The following SERINC5 variants were observed in gnomAD, a reference collection of about 807,000 sequenced individuals.
SERINC5 encodes the protein serine incorporator 5.
A neutral mutation model predicts 63.1 loss-of-function variants in SERINC5; 41 were observed. That is an observed-to-expected ratio of 0.65 (90% CI 0.51 to 0.84). The LOEUF (loss-of-function observed/expected upper bound fraction) is 0.84, where lower values mean the gene tolerates loss of function less well. SERINC5 is among the 40% of genes least tolerant of loss of function. SERINC5 has a pLI of 0.00. For missense variants in SERINC5, 523 were observed against 573.0 expected, an observed-to-expected ratio of 0.91 and a Z score of 0.89; for synonymous variants, 222 against 215.2, an observed-to-expected ratio of 1.03 and a Z score of -0.28.
chr5:80,150,255 A>G (rs1746084807), intron 9 of SERINC5, among the ~76,000 whole-genome samples: 1 of 150,952 alleles, frequency 6.6e-6, no homozygotes, highest in Admixed American at 6.6e-5. Context: ...ACCCACCAAG[A>G]CTCCACTACG....
At chr5:80,229,021 CTTTTTTTTTTTTTTTT>C (rs1166636996) in intron 1 of SERINC5, among the ~76,000 whole-genome samples, 1 of 86,056 alleles carries the variant, frequency 1.2e-5, no homozygotes, top group Non-Finnish European at 2.3e-5. Context: ...TTTTACATAC[CTTTTTTTTTTTTTTTT>C]TTTTTTTTTT....
chr5:80,178,155 T>G, intron 2 of SERINC5, 91 bp from the exon 3 acceptor site: 1 of 701,558 alleles, frequency 1.4e-6, no homozygotes, highest in Middle Eastern at 2.4e-4. Context: ...CAACATCCAC[T>G]GTGGAAATGG....
At chr5:80,203,646 G>T (rs1199435345) in intron 1 of SERINC5, among the ~76,000 whole-genome samples, 1 of 152,206 alleles carries the variant, frequency 6.6e-6, no homozygotes, top group South Asian at 2.1e-4. Flanking sequence ...AGTAATTGTG[G>T]TTTTTGCCAT....
intron 5 of SERINC5, among the ~76,000 whole-genome samples, chr5:80,170,876 G>A (rs536713510): frequency 7.2e-5 from 11 of 152,264 alleles, no homozygotes; most frequent in Admixed American, 2.0e-4. Context: ...ATGTTGTGGT[G>A]CAAACTTGTA....
In SERINC5 at chr5:80,141,982, T is replaced by C. The variant is rs1468798195; in HGVS notation, c.*1681A>G. ...GGCAAAGGAATGAATAGAAAGAATTTCACTAATTTCACCCACCAGCATTTT... is the reference window on the plus strand; with the variant it reads ...GGCAAAGGAATGAATAGAAAGAATTCCACTAATTTCACCCACCAGCATTTT... On this transcript the variant is annotated 3_prime_UTR_variant, in exon 12 of 12. Transcript: ENST00000507668. The C allele has an allele frequency of 1.0e-6, 1 of 985,192 alleles. No individual in the cohort carries two copies. The highest frequency in any genetic ancestry group is 1.7e-5 in the African/African-American group (1 of 57,214). 61.0% of individuals were successfully genotyped at this position (985,192 alleles called of 1,614,324 possible). A position where few individuals can be genotyped will look rare whatever the true frequency, so the allele number is the denominator to read the frequency against.
intron 8 of SERINC5, among the ~76,000 whole-genome samples, chr5:80,154,682 C>A (rs1256881628): frequency 6.6e-6 from 1 of 152,056 alleles, no homozygotes; most frequent in Non-Finnish European, 1.5e-5. Flanking sequence ...ACAATCCCCT[C>A]GGCAATGCTA....
At position 80,146,232 on chromosome 5, in the gene SERINC5, T is replaced by C. The variant is rs771879310; in HGVS notation, c.1096A>G (p.Thr366Ala). ...CFCFSPGGED[T>A]EEQQPGKEGP... ...TCCTTCCCCGGCTGCTGCTCTTCAGTGTCTGTGAAGCACAGAGGGAGCCCA... is the reference window on the plus strand; with the variant it reads ...TCCTTCCCCGGCTGCTGCTCTTCAGCGTCTGTGAAGCACAGAGGGAGCCCA... The change falls in exon 11 of 12, where the codon ACT becomes GCT. Residue 366 changes from threonine to alanine, a missense_variant and splice_region_variant. Transcript: ENST00000507668. The C allele has an allele frequency of 5.6e-6, 9 of 1,613,810 alleles. No homozygotes were observed. The East Asian group carries it at 1.6e-4, about 28-fold the overall frequency.
At chr5:80,147,633 A>C (rs1241423732) in intron 9 of SERINC5, among the ~76,000 whole-genome samples, 1 of 152,126 alleles carries the variant, frequency 6.6e-6, no homozygotes, top group East Asian at 1.9e-4. Flanking sequence ...GGCTTTGTCC[A>C]GCTGCACTGT....
chr5:80,157,752 A>G (rs1173916539), intron 8 of SERINC5: 2 of 152,220 alleles, frequency 1.3e-5, no homozygotes, highest in Non-Finnish European at 2.9e-5. Context: ...CTGCAACAAC[A>G]AGGAGACTCT....
chr5:80,192,279 A>C (rs953643589), intron 2 of SERINC5, among the ~76,000 whole-genome samples: 2 of 152,196 alleles, frequency 1.3e-5, no homozygotes, highest in Non-Finnish European at 2.9e-5. Context: ...CTTACTCTAC[A>C]AATCAAGAGC....
intron 1 of SERINC5, among the ~76,000 whole-genome samples, chr5:80,216,703 A>T (rs1433854227): frequency 6.8e-6 from 1 of 147,790 alleles, no homozygotes; most frequent in Non-Finnish European, 1.5e-5. Flanking sequence ...ATTGGGTTTT[A>T]AATATTTTTT....
At chr5:80,129,058 G>T (rs1487412260) in intron 11 of SERINC5, 1 of 152,210 alleles carries the variant, frequency 6.6e-6, no homozygotes, top group Non-Finnish European at 1.5e-5. Context: ...AGCTTAGATG[G>T]AAAGTCCACT....
At chr5:80,170,481 G>A (rs568219141) in intron 5 of SERINC5, among the ~76,000 whole-genome samples, 1 of 152,176 alleles carries the variant, frequency 6.6e-6, no homozygotes. Context: ...TGGGCAGGTG[G>A]GGGGAGACAG....
intron 11 of SERINC5, among the ~76,000 whole-genome samples, chr5:80,116,920 C>T (rs758039836): frequency 5.3e-5 from 8 of 151,896 alleles, no homozygotes; most frequent in Non-Finnish European, 8.8e-5. Context: ...CCTCTGACTC[C>T]CAGGTTCAAC....
At chr5:80,185,645 G>A (rs1388903965) in intron 2 of SERINC5, among the ~76,000 whole-genome samples, 1 of 152,040 alleles carries the variant, frequency 6.6e-6, no homozygotes, top group African/African-American at 2.4e-5. Context: ...ATAAGATTTG[G>A]GCAGGTAAAG....
chr5:80,169,240 C>T lies in SERINC5; in HGVS notation c.763+95G>A. 4.7e-6 allele frequency: 5 copies of T among 1,056,488 alleles called. No individual in the cohort carries two copies. In the South Asian group the frequency reaches 7.6e-5, roughly 16 times the overall value. The allele number at this position is 1,056,488 out of a possible 1,614,324, so 65.4% of individuals were successfully genotyped here. ...CAGTAAGTTAAGGAATACACTAGTT[C>T]CAAACAAACAAAACAAAACAAAAAA... is the stretch of plus-strand genomic sequence containing the variant. On this transcript the variant is annotated intron_variant, in intron 6 of 11. Coordinates refer to ENST00000507668, the MANE Select transcript of SERINC5 (RefSeq NM_001174072.3).
intron 1 of SERINC5, among the ~76,000 whole-genome samples, chr5:80,253,660 A>G (rs552702247): frequency 6.6e-6 from 1 of 152,166 alleles, no homozygotes; most frequent in Non-Finnish European, 1.5e-5. Flanking sequence ...CTCACTGAGC[A>G]GTCTCAACTC....
chr5:80,252,653 T>C (rs1245048976), intron 1 of SERINC5, among the ~76,000 whole-genome samples: 1 of 152,186 alleles, frequency 6.6e-6, no homozygotes, highest in Non-Finnish European at 1.5e-5. Flanking sequence ...CTAATAAGAT[T>C]TGGGGGGTTC....
chr5:80,238,824 A>T (rs1290242334), intron 1 of SERINC5, among the ~76,000 whole-genome samples: 1 of 151,842 alleles, frequency 6.6e-6, no homozygotes, highest in Non-Finnish European at 1.5e-5. Context: ...TCCGAGATTC[A>T]AATAATCAAA....
Sources: allele counts gnomAD v4.1 joint callset (sites outside exome capture counted in the v4.1 genomes callset), GRCh38; gene constraint gnomAD v4.1.1; transcripts MANE v1.5; gene names NCBI Gene and HGNC (gene_info 2026-07-23, HGNC 2026-07-21).